TEKT3: variants seen among roughly 807,000 people sequenced by gnomAD.
TEKT3 encodes tektin 3.
TEKT3 carries 49 observed loss-of-function variants against 49.8 expected under a neutral mutation model. The observed-to-expected ratio is 0.98, with a 90% CI of 0.78 to 1.25. TEKT3 has a LOEUF of 1.25. Among genes scored for constraint, TEKT3 ranks in the 50% most tolerant of loss-of-function variants. The pLI, the probability that TEKT3 is intolerant of heterozygous loss-of-function variation, is 0.00. For synonymous variants in TEKT3, 225 were observed against 237.2 expected (o/e 0.95, Z 0.47); for missense variants, 595 against 629.5 (o/e 0.95, Z 0.59).
In TEKT3 at chr17:15,331,385, C is replaced by A. The variant is rs144442681; in HGVS notation, c.201G>T (p.Pro67=). 3 of 1,614,092 alleles carry A rather than the reference C, an allele frequency of 1.9e-6. No homozygotes were observed. Among genetic ancestry groups the A allele is most frequent in the South Asian group, 2.2e-5 (2 of 91,076 alleles). ...KVASNSPSVA[P]YCTRSQRVSE... is the part of the protein sequence containing the mutation. ...ACACCCTCTGTGATCTGGTGCAGTA[C>A]GGGGCCACGCTTGGGGAATTGGAGG... Residue 67 remains proline, a synonymous_variant, in exon 3 of 9, where the codon CCG becomes CCT. Coordinates refer to ENST00000395930, the MANE Select transcript of TEKT3 (RefSeq NM_031898.3).
chr17:15,337,790 G>A lies in TEKT3; in HGVS notation c.-30+2238C>T, dbSNP rs183583588. Among the ~76,000 whole-genome samples the A allele has an allele frequency of 4.6e-3, 705 of 152,202 alleles. 4 individuals are homozygous for A. The highest frequency in any genetic ancestry group is 0.016 in the African/African-American group (671 of 41,518). ...TGGGAGGCGGAGGTTGCAGTGAGCC[G>A]AGATCATGCCACTGCACTCCAGCCT... On this transcript the variant is annotated intron_variant, in intron 2 of 8. Transcript: ENST00000395930.
chr17:15,314,168 C>T lies in TEKT3; in HGVS notation c.797G>A (p.Arg266Gln), dbSNP rs771632343. 6.8e-6 allele frequency: 11 copies of T among 1,614,094 alleles called. 1 individual carries two copies. Among genetic ancestry groups the T allele is most frequent in the South Asian group, 5.5e-5 (5 of 91,090 alleles). The change falls in exon 6 of 9, where the codon CGG becomes CAG. Residue 266 changes from arginine (R) to glutamine (Q), a missense_variant. Physicochemically the swap from Arg to Gln is conservative, Grantham distance 43. Coordinates refer to ENST00000395930, the MANE Select transcript of TEKT3 (RefSeq NM_031898.3). ...KDLSDKQTAYRIDDKCHHLRN... is the reference protein window; with the variant it reads ...KDLSDKQTAYQIDDKCHHLRN... ...CAGGTGGTGGCATTTGTCGTCGATC[C>T]GGTAAGCCGTCTGTTTGTCACTCAG... is the stretch of plus-strand genomic sequence containing the variant.
At chr17:15,310,525 G>A (rs1054534963) in intron 7 of TEKT3, among the ~76,000 whole-genome samples, 1 of 152,170 alleles carries the variant, frequency 6.6e-6, no homozygotes, top group Non-Finnish European at 1.5e-5. Flanking sequence ...GGAAAATGAT[G>A]TGAAGACACA....
At chr17:15,326,288 C>A (rs1911487981) in intron 4 of TEKT3, among the ~76,000 whole-genome samples, 1 of 152,116 alleles carries the variant, frequency 6.6e-6, no homozygotes, top group African/African-American at 2.4e-5. Flanking sequence ...TGTGACCCTG[C>A]AAAGCTTGTG....
intron 3 of TEKT3, among the ~76,000 whole-genome samples, chr17:15,329,931 G>A (rs1464567994): frequency 6.6e-6 from 1 of 152,164 alleles, no homozygotes; most frequent in African/African-American, 2.4e-5. Context: ...CTTCAAACAT[G>A]GAATGTCTTC....
Position 15,333,788 on chromosome 17 carries a change from C to A in TEKT3, c.-29-2174G>T, listed in dbSNP as rs148301826. ...TTTATTTTTATTTTTTAGACAGAGT[C>A]TCGCTCTGTCGCCCAGGCTCCAGTG... On this transcript the variant is annotated intron_variant, in intron 2 of 8. Transcript: ENST00000395930. Among the ~76,000 whole-genome samples the A allele has an allele frequency of 5.7e-3, 770 of 134,402 alleles. 3 individuals carry two copies. The highest frequency in any genetic ancestry group is 9.4e-3 in the Non-Finnish European group (562 of 59,708). The allele number at this position is 134,402 out of a possible 152,430, so 88.2% of individuals were successfully genotyped here.
intron 7 of TEKT3, among the ~76,000 whole-genome samples, chr17:15,309,140 G>T (rs936723247): frequency 6.6e-6 from 1 of 152,100 alleles, no homozygotes; most frequent in Non-Finnish European, 1.5e-5. Flanking sequence ...CCAAATTAGG[G>T]GCTCCCTGCA....
At position 15,303,832 on chromosome 17, in the gene TEKT3, T is replaced by C. The variant is rs911844839; in HGVS notation, c.*104A>G. ...GGAGGTTGGTACATTTCCATCAGCA[T>C]AATCCTTTAATAAGTGACTATATTA... On this transcript the variant is annotated 3_prime_UTR_variant, in exon 9 of 9. Transcript: ENST00000395930. 9.0e-7 allele frequency: 1 copy of C among 1,108,900 alleles called. No homozygotes were observed. Among genetic ancestry groups the C allele is most frequent in the Non-Finnish European group, 1.3e-6 (1 of 748,174 alleles). The allele number at this position is 1,108,900 out of a possible 1,614,324, so 68.7% of individuals were successfully genotyped here. A position where few individuals can be genotyped will look rare whatever the true frequency, so the allele number is the denominator to read the frequency against.
At chr17:15,330,963 G>A (rs1354604861) in intron 3 of TEKT3, 44 bp downstream of exon 3, 55 of 1,512,266 alleles carry the variant, frequency 3.6e-5, no homozygotes, top group Non-Finnish European at 4.7e-5. Flanking sequence ...CAACCAGTGG[G>A]TTATAATCAT....
intron 7 of TEKT3, 116 bp from the exon 8 acceptor site, chr17:15,308,934 G>T (rs890057715): frequency 1.9e-5 from 25 of 1,296,156 alleles, no homozygotes; most frequent in Non-Finnish European, 2.6e-5. Flanking sequence ...CGCTGATGAG[G>T]AAGTTGCTTC....
At chr17:15,314,724 G>C (rs1285644025) in intron 5 of TEKT3, among the ~76,000 whole-genome samples, 1 of 152,110 alleles carries the variant, frequency 6.6e-6, no homozygotes, top group East Asian at 1.9e-4. Context: ...GCCATCCATT[G>C]GTAACCTTGG....
chr17:15,328,188 C>A, intron 3 of TEKT3, 113 bp from the exon 4 acceptor site: 1 of 847,618 alleles, frequency 1.2e-6, no homozygotes. Context: ...ACCAACTTTT[C>A]CAGCCCTTTT....
chr17:15,342,883 T>C (rs149111129), upstream of TEKT3, among the ~76,000 whole-genome samples: 1,140 of 152,338 alleles, frequency 7.5e-3, 15 homozygotes, highest in African/African-American at 0.026. Context: ...ACTATGTTCC[T>C]TATCAGCAAC....
At chr17:15,310,808 A>G (rs1342189654) in intron 7 of TEKT3, 1 of 152,164 alleles carries the variant, frequency 6.6e-6, no homozygotes, top group East Asian at 1.9e-4. Context: ...GTCTTCTTAC[A>G]ATTGATAGTG....
Position 15,303,818 on chromosome 17 carries a change from C to T in TEKT3, c.*118G>A. The T allele has an allele frequency of 2.1e-6, 2 of 972,432 alleles. No individual in the cohort carries two copies. The highest frequency in any genetic ancestry group is 3.1e-6 in the Non-Finnish European group (2 of 641,258). The allele number at this position is 972,432 out of a possible 1,614,324, so 60.2% of individuals were successfully genotyped here. The stretch of plus-strand genomic sequence containing the variant: ...GGCTTTCCGAGACAGGAGGTTGGTA[C>T]ATTTCCATCAGCATAATCCTTTAAT... On this transcript the variant is annotated 3_prime_UTR_variant, in exon 9 of 9. Coordinates refer to ENST00000395930, the MANE Select transcript of TEKT3 (RefSeq NM_031898.3).
At chr17:15,320,148 C>T (rs570934550) in intron 4 of TEKT3, among the ~76,000 whole-genome samples, 16 of 152,264 alleles carry the variant, frequency 1.1e-4, no homozygotes, top group Admixed American at 8.5e-4. Context: ...CACTGTTACT[C>T]CTTTCCATCT....
In TEKT3 at chr17:15,331,453, T is replaced by C. The variant is rs751217780; in HGVS notation, c.133A>G (p.Ser45Gly). Residue 45 changes from serine to glycine, a missense_variant, in exon 3 of 9, where the codon AGC becomes GGC. Ser to Gly is a moderately conservative substitution (Grantham distance 56). Coordinates refer to ENST00000395930, the MANE Select transcript of TEKT3 (RefSeq NM_031898.3). ...CTGGGTCTCCAAGGAAGGCTCAGGC[T>C]ATGGGTCAAATTGGAGTGGGGAAAG... ...DRFPHSNLTH[S>G]LSLPWRPSTY... 1.2e-6 allele frequency: 2 copies of C among 1,614,020 alleles called. No individual in the cohort carries two copies. The highest frequency in any genetic ancestry group is 2.7e-5 in the African/African-American group (2 of 74,908).
rs148950848 is a variant in TEKT3, at chr17:15,339,675, A to G, written c.-30+353T>C. Reference sequence around the variant, plus strand: ...ACAGACCATTTTCTGCAGAAGACACAAGTTTACATGACTTGCCCCACACCC... The same window carrying G: ...ACAGACCATTTTCTGCAGAAGACACGAGTTTACATGACTTGCCCCACACCC... On this transcript the variant is annotated intron_variant, in intron 2 of 8. Coordinates refer to ENST00000395930, the MANE Select transcript of TEKT3 (RefSeq NM_031898.3). 6.8e-4 allele frequency among the ~76,000 whole-genome samples: 103 copies of G among 152,304 alleles called. 1 individual carries two copies. The highest frequency in any genetic ancestry group is 2.2e-3 in the African/African-American group (93 of 41,582).
At chr17:15,341,767 A>G (rs1387460325), upstream of TEKT3, 1 of 152,252 alleles carries the variant, frequency 6.6e-6, no homozygotes, top group African/African-American at 2.4e-5. Flanking sequence ...GGCGGTTACT[A>G]TGGACGCGCT....
Sources: gnomAD v4.1 joint callset for allele counts (sites outside exome capture counted in the v4.1 genomes callset) on GRCh38, gnomAD v4.1.1 for gene constraint, MANE v1.5 for transcripts, NCBI Gene and HGNC (gene_info 2026-07-23, HGNC 2026-07-21) for gene names.